The following GABRB1 variants were observed in gnomAD, a reference collection of about 807,000 sequenced individuals.
GABRB1 encodes gamma-aminobutyric acid type A receptor subunit beta1.
Under a neutral mutation model 51.6 loss-of-function variants are expected in GABRB1, and 17 were observed. The ratio of observed to expected loss-of-function variants is 0.33; its 90% confidence interval spans 0.23 to 0.49. The LOEUF (loss-of-function observed/expected upper bound fraction) is 0.49. Among genes scored for constraint, GABRB1 ranks in the 20% least tolerant of loss-of-function variants. GABRB1 has a pLI of 0.99. For missense variants in GABRB1, 410 were observed against 600.6 expected (o/e 0.68, Z 3.32); for synonymous variants, 247 against 218.9 (o/e 1.13, Z -1.14).
chr4:47,250,697 C>G (rs1721954552), intron 4 of GABRB1, among the ~76,000 whole-genome samples: 1 of 152,020 alleles, frequency 6.6e-6, no homozygotes, highest in Non-Finnish European at 1.5e-5. Flanking sequence ...ACTTTAAAAC[C>G]TCGTCTTAGA....
At chr4:47,229,703 A>ATCTT (rs1482670543) in intron 4 of GABRB1, among the ~76,000 whole-genome samples, 1 of 152,178 alleles carries the variant, frequency 6.6e-6, no homozygotes, top group Admixed American at 6.6e-5. Flanking sequence ...AACCATATGT[A>ATCTT]TCTTTACAAG....
intron 4 of GABRB1, among the ~76,000 whole-genome samples, chr4:47,226,629 A>G (rs1210844417): frequency 6.6e-6 from 1 of 152,140 alleles, no homozygotes; most frequent in African/African-American, 2.4e-5. Context: ...AGGGATTATC[A>G]CCAAGAAATC....
intron 4 of GABRB1, among the ~76,000 whole-genome samples, chr4:47,247,495 C>T (rs1005020402): frequency 6.6e-6 from 1 of 152,030 alleles, no homozygotes; most frequent in South Asian, 2.1e-4. Context: ...CTTGCTTTGG[C>T]TATGCAAGCT....
At position 47,294,821 on chromosome 4, in the gene GABRB1, C is replaced by T. The variant is rs866555750; in HGVS notation, c.462-25306C>T. On this transcript the variant is annotated intron_variant, in intron 4 of 8. Coordinates refer to ENST00000295454, the MANE Select transcript of GABRB1 (RefSeq NM_000812.4). The stretch of plus-strand genomic sequence containing the variant: ...CTGCCTCCTCAAGTGGGTCCCTGAC[C>T]CCTGACCCCCGAGCAGCCTAACTGG... 3.9e-5 allele frequency among the ~76,000 whole-genome samples: 6 copies of T among 152,314 alleles called. No individual in the cohort carries two copies. In the Middle Eastern group the frequency reaches 0.014, roughly 345 times the overall value.
intron 4 of GABRB1, among the ~76,000 whole-genome samples, chr4:47,300,984 C>G (rs1724238068): frequency 6.6e-6 from 1 of 152,104 alleles, no homozygotes; most frequent in Non-Finnish European, 1.5e-5. Flanking sequence ...GTATAAATCA[C>G]CAGATGATCA....
In GABRB1 at chr4:46,999,487, A is replaced by G. The variant is rs1200033630; in HGVS notation, c.-20+5561A>G. Among the ~76,000 whole-genome samples, 13 of 152,368 alleles carry G rather than the reference A, an allele frequency of 8.5e-5. No individual in the cohort carries two copies. The East Asian group carries it at 2.5e-3, about 29-fold the overall frequency. ...GAAACTTAGAAACAAATTAAATGTC[A>G]TTTAACAGGGAAGTGGATACATTAC... On this transcript the variant is annotated intron_variant, in intron 1 of 3. Coordinates refer to the GABRB1 transcript ENST00000513567.
intron 3 of GABRB1, among the ~76,000 whole-genome samples, chr4:47,131,405 G>A (rs918448253): frequency 4.6e-5 from 7 of 152,122 alleles, no homozygotes; most frequent in East Asian, 1.9e-4. Flanking sequence ...TGATCTGCCC[G>A]CCTCGGCCTC....
chr4:47,185,503 A>G (rs1719136933), intron 4 of GABRB1, among the ~76,000 whole-genome samples: 1 of 151,846 alleles, frequency 6.6e-6, no homozygotes, highest in Admixed American at 6.6e-5. Context: ...CCAAAGGTCA[A>G]CATCCAAACT....
Position 47,072,090 on chromosome 4 carries a change from T to C in GABRB1, c.240+39606T>C, listed in dbSNP as rs1342670616. On this transcript the variant is annotated intron_variant, in intron 3 of 8. Coordinates refer to ENST00000295454, the MANE Select transcript of GABRB1 (RefSeq NM_000812.4). ...AAGTGATACAATGCAAAAAGTCATCTTGACTGGATAGAAAAAGAACATATT... is the reference window on the plus strand; with the variant it reads ...AAGTGATACAATGCAAAAAGTCATCCTGACTGGATAGAAAAAGAACATATT... Among the ~76,000 whole-genome samples the C allele has an allele frequency of 2.6e-5, 4 of 152,034 alleles. No homozygotes were observed. In the East Asian group the frequency reaches 7.7e-4, roughly 29 times the overall value.
At chr4:47,149,675 T>G (rs891296456) in intron 3 of GABRB1, among the ~76,000 whole-genome samples, 2 of 152,044 alleles carry the variant, frequency 1.3e-5, no homozygotes, top group African/African-American at 4.8e-5. Context: ...CATTTAGATG[T>G]GTATGTTTGA....
At chr4:47,199,681 A>C (rs1719824418) in intron 4 of GABRB1, among the ~76,000 whole-genome samples, 2 of 152,114 alleles carry the variant, frequency 1.3e-5, no homozygotes, top group African/African-American at 2.4e-5. Flanking sequence ...GCAGATGGGT[A>C]GGTGTATGTG....
At chr4:47,240,047 T>G (rs1233050736) in intron 4 of GABRB1, among the ~76,000 whole-genome samples, 1 of 152,150 alleles carries the variant, frequency 6.6e-6, no homozygotes, top group Non-Finnish European at 1.5e-5. Flanking sequence ...TTATTCTCAG[T>G]GGGGAGATCA....
At chr4:47,324,360 C>T (rs774297217) in intron 5 of GABRB1, among the ~76,000 whole-genome samples, 5 of 152,134 alleles carry the variant, frequency 3.3e-5, no homozygotes, top group Non-Finnish European at 7.3e-5. Flanking sequence ...ACATACCTCA[C>T]CCCTGAGCTC....
chr4:47,370,053 C>T (rs1727131044), intron 5 of GABRB1, among the ~76,000 whole-genome samples: 2 of 151,686 alleles, frequency 1.3e-5, no homozygotes, highest in African/African-American at 2.4e-5. Flanking sequence ...CTGTCCCAAA[C>T]CTGATTTCCT....
intron 8 of GABRB1, among the ~76,000 whole-genome samples, chr4:47,412,801 T>G (rs1469017386): frequency 6.6e-6 from 1 of 152,178 alleles, no homozygotes; most frequent in Non-Finnish European, 1.5e-5. Flanking sequence ...GAGGAGGTAG[T>G]GTCTAATTTA....
At chr4:47,178,224 A>G (rs981865746) in intron 4 of GABRB1, among the ~76,000 whole-genome samples, 6 of 152,120 alleles carry the variant, frequency 3.9e-5, no homozygotes, top group Non-Finnish European at 8.8e-5. Context: ...CCTGTCATCT[A>G]ATAAACACTC....
chr4:47,419,413 A>G (rs10155287), intron 8 of GABRB1, among the ~76,000 whole-genome samples: 76,272 of 152,048 alleles, frequency 0.5, 22,205 homozygotes, highest in African/African-American at 0.82. Flanking sequence ...TGAAAGAAAG[A>G]CTCGGCAGGC....
At chr4:47,330,965 A>G (rs975452270) in intron 5 of GABRB1, among the ~76,000 whole-genome samples, 2 of 152,206 alleles carry the variant, frequency 1.3e-5, no homozygotes, top group African/African-American at 2.4e-5. Context: ...TAAAACCAGC[A>G]TCTACAACAT....
chr4:47,195,226 G>A (rs1214994155), intron 4 of GABRB1, among the ~76,000 whole-genome samples: 5 of 152,150 alleles, frequency 3.3e-5, no homozygotes, highest in Admixed American at 1.3e-4. Context: ...AATTAGCCGG[G>A]CATTGTGGCG....
Sources: gnomAD v4.1 joint callset for allele counts (sites outside exome capture counted in the v4.1 genomes callset) on GRCh38, gnomAD v4.1.1 for gene constraint, MANE v1.5 for transcripts, NCBI Gene and HGNC (gene_info 2026-07-23, HGNC 2026-07-21) for gene names.